Variants in SLC17A8 observed in about 807,000 individuals in gnomAD.
SLC17A8 encodes solute carrier family 17 member 8.
A neutral mutation model predicts 58.0 loss-of-function variants in SLC17A8; 31 were observed. The ratio of observed to expected loss-of-function variants is 0.53; its 90% CI spans 0.40 to 0.72. The LOEUF is 0.72. Among genes scored for constraint, SLC17A8 ranks in the 30% least tolerant of loss-of-function variants. The pLI is 0.00. For missense variants in SLC17A8, 655 were observed against 727.8 expected, an observed-to-expected ratio of 0.90 and a Z score of 1.15; for synonymous variants, 228 against 249.0, an observed-to-expected ratio of 0.92 and a Z score of 0.79.
rs77369664 is a variant in SLC17A8 at position 100,360,097 on chromosome 12, G to C, written c.101+2605G>C. ...GAGTTCGCACACAGGCTTGATTACA[G>C]TCAGGCATGATTAGCTTTCCTGGAA... On this transcript the variant is annotated intron_variant, in intron 1 of 11. Transcript: ENST00000323346. Among the ~76,000 whole-genome samples, 36 of 152,328 alleles carry C rather than the reference G, an allele frequency of 2.4e-4. No homozygotes were observed. The East Asian group carries it at 6.4e-3, about 27-fold the overall frequency.
intron 1 of SLC17A8, among the ~76,000 whole-genome samples, chr12:100,360,433 T>G (rs1952477098): frequency 6.6e-6 from 1 of 152,154 alleles, no homozygotes; most frequent in South Asian, 2.1e-4. Flanking sequence ...ATTACTATAA[T>G]TACAACTTTT....
chr12:100,409,253 T>A (rs1247933275), intron 9 of SLC17A8, among the ~76,000 whole-genome samples: 1 of 152,084 alleles, frequency 6.6e-6, no homozygotes, highest in South Asian at 2.1e-4. Context: ...TGGTGCAATC[T>A]TGGCTCACTG....
intron 3 of SLC17A8, among the ~76,000 whole-genome samples, chr12:100,392,669 T>C (rs1003804141): frequency 6.7e-6 from 1 of 149,760 alleles, no homozygotes; most frequent in Middle Eastern, 3.2e-3. Context: ...ATAAAAAGAG[T>C]GGAAACATCA....
intron 1 of SLC17A8, among the ~76,000 whole-genome samples, chr12:100,361,149 G>T (rs1952481611): frequency 6.6e-6 from 1 of 152,166 alleles, no homozygotes; most frequent in Non-Finnish European, 1.5e-5. Context: ...CTGCAATGGG[G>T]TGACTCTAGG....
At chr12:100,381,943 A>T (rs1031150820) in intron 2 of SLC17A8, among the ~76,000 whole-genome samples, 2 of 152,230 alleles carry the variant, frequency 1.3e-5, no homozygotes, top group Non-Finnish European at 2.9e-5. Context: ...TGCTATTTCC[A>T]CGTGGGACAC....
intron 2 of SLC17A8, among the ~76,000 whole-genome samples, chr12:100,384,495 T>C (rs1200078168): frequency 6.6e-6 from 1 of 152,132 alleles, no homozygotes; most frequent in African/African-American, 2.4e-5. Flanking sequence ...ACCAGCTACT[T>C]GGGAAGCTGA....
intron 9 of SLC17A8, among the ~76,000 whole-genome samples, chr12:100,407,590 T>TG (rs1952835588): frequency 7.2e-6 from 1 of 139,606 alleles, no homozygotes; most frequent in African/African-American, 2.5e-5. Flanking sequence ...ATATATATTT[T>TG]TTTTGTTTGT....
At chr12:100,376,117 A>G (rs7299252) in intron 1 of SLC17A8, among the ~76,000 whole-genome samples, 6,683 of 152,260 alleles carry the variant, frequency 0.044, 420 homozygotes, top group African/African-American at 0.14. Context: ...AGCCATCTGC[A>G]AGCCAAAAAG....
At chr12:100,410,198 A>G (rs1159092511) in intron 9 of SLC17A8, among the ~76,000 whole-genome samples, 1 of 152,118 alleles carries the variant, frequency 6.6e-6, no homozygotes, top group African/African-American at 2.4e-5. Flanking sequence ...GGCCTCTACT[A>G]AAAATACAAA....
At chr12:100,394,819 CATATATAGTATATATATAAT>C (rs1002140876) in intron 4 of SLC17A8, among the ~76,000 whole-genome samples, 2 of 145,504 alleles carry the variant, frequency 1.4e-5, no homozygotes, top group African/African-American at 2.5e-5. Flanking sequence ...ATAATATATA[CATATATAGTATATATATAAT>C]ATATATAGTG....
At chr12:100,366,029 T>C (rs1036697845) in intron 1 of SLC17A8, among the ~76,000 whole-genome samples, 1 of 148,260 alleles carries the variant, frequency 6.7e-6, no homozygotes, top group Non-Finnish European at 1.5e-5. Context: ...GGTAGTTCCC[T>C]GTCATCCACC....
chr12:100,358,748 G>A (rs988796898), intron 1 of SLC17A8, among the ~76,000 whole-genome samples: 10 of 152,124 alleles, frequency 6.6e-5, no homozygotes, highest in South Asian at 6.2e-4. Context: ...TTGTGTTGGC[G>A]TTCATTTGAT....
chr12:100,382,291 G>A (rs998168652), intron 2 of SLC17A8, among the ~76,000 whole-genome samples: 2 of 152,202 alleles, frequency 1.3e-5, no homozygotes, highest in African/African-American at 4.8e-5. Context: ...AGGAATGGAG[G>A]CCACAGGGCC....
intron 9 of SLC17A8, among the ~76,000 whole-genome samples, chr12:100,406,187 A>G (rs1338810567): frequency 6.6e-6 from 1 of 151,978 alleles, no homozygotes; most frequent in Non-Finnish European, 1.5e-5. Flanking sequence ...ATCCAGCTCA[A>G]TTCTTCTCCT....
rs997874428 is a variant in SLC17A8 at position 100,417,930 on chromosome 12, C to A, written c.1298-99C>A. On this transcript the variant is annotated intron_variant, in intron 10 of 11. Coordinates refer to ENST00000323346, the MANE Select transcript of SLC17A8 (RefSeq NM_139319.3). ...GAAACTAGTCATATACTAGAGGAAA[C>A]CAAACAGATTGGTAAAGGCTGGGGC... 19 of 1,505,330 alleles carry A rather than the reference C, an allele frequency of 1.3e-5. No individual in the cohort carries two copies. The African/African-American group carries it at 2.3e-4, about 19-fold the overall frequency. The allele number at this position is 1,505,330 out of a possible 1,614,324, so 93.2% of individuals were successfully genotyped here.
At position 100,357,128 on chromosome 12, in the gene SLC17A8, C is replaced by G. The variant is rs1952451522; in HGVS notation, c.-264C>G. The G allele has an allele frequency of 2.4e-6, 1 of 421,294 alleles. No individual in the cohort carries two copies. 26.1% of individuals were successfully genotyped at this position (421,294 alleles called of 1,614,324 possible). ...CCACAGGCTGCTGCAGAGCGTGCAG[C>G]TTTTGCAAGGGACTGAATTCCCAGC... is the stretch of plus-strand genomic sequence containing the variant. On this transcript the variant is annotated 5_prime_UTR_variant, in exon 1 of 12. Transcript: ENST00000323346.
intron 1 of SLC17A8, among the ~76,000 whole-genome samples, chr12:100,373,547 C>T (rs1170464190): frequency 1.3e-5 from 2 of 148,674 alleles, no homozygotes; most frequent in African/African-American, 5.0e-5. Flanking sequence ...TCAGGGAGAC[C>T]TTCATTCATA....
intron 3 of SLC17A8, 65 bp downstream of exon 3, chr12:100,391,184 C>A: frequency 8.8e-7 from 1 of 1,135,800 alleles, no homozygotes; most frequent in Non-Finnish European, 1.3e-6. Flanking sequence ...ATAAATTCTG[C>A]ATAGCTGGCT....
rs760410151 is a variant in SLC17A8, at chr12:100,420,009, G to C, written c.1620G>C (p.Ala540=). 7 of 1,613,812 alleles carry C rather than the reference G, an allele frequency of 4.3e-6. No homozygotes were observed. The highest frequency in any genetic ancestry group is 1.6e-4 in the Middle Eastern group (1 of 6,084). The part of the protein sequence containing the change: ...EEIELNHESF[A]SPKKKMSYGA... ...TAGAACTCAACCATGAGAGTTTTGC[G>C]AGTCCCAAAAAGAAGATGTCTTATG... The change falls in exon 12 of 12, where the codon GCG becomes GCC. Residue 540 remains alanine (A), a synonymous_variant. Coordinates refer to ENST00000323346, the MANE Select transcript of SLC17A8 (RefSeq NM_139319.3).
Sources: gnomAD v4.1 joint callset for allele counts (sites outside exome capture counted in the v4.1 genomes callset) on GRCh38, gnomAD v4.1.1 for gene constraint, MANE v1.5 for transcripts, NCBI Gene and HGNC (gene_info 2026-07-23, HGNC 2026-07-21) for gene names.